Variants in SPATA6 observed in about 807,000 individuals in gnomAD.
The protein encoded by SPATA6 is spermatogenesis associated 6, also known as spermatogenesis-associated protein 6.
Under a neutral mutation model 65.3 loss-of-function variants are expected in SPATA6, and 56 were observed. The observed-to-expected ratio is 0.86, with a 90% CI of 0.69 to 1.07. The LOEUF (loss-of-function observed/expected upper bound fraction) is 1.07, where lower values mean the gene tolerates loss of function less well. SPATA6 is among the 50% of genes least tolerant of loss of function. The probability of loss-of-function intolerance (pLI) is 0.00; values close to 1 mark genes in which losing one functional copy is unlikely to be tolerated. For missense variants in SPATA6, 590 were observed against 594.8 expected (o/e 0.99, Z 0.08); for synonymous variants, 199 against 213.2 (o/e 0.93, Z 0.58).
At chr1:48,436,513 A>G in intron 3 of SPATA6, 1 of 1,611,806 alleles carries the variant, frequency 6.2e-7, no homozygotes, top group African/African-American at 1.3e-5. Flanking sequence ...CTGTATTCAC[A>G]GGAGTATTAA....
the SPATA6 span, among the ~76,000 whole-genome samples, chr1:48,283,738 AG>A: frequency 2.0e-5 from 3 of 150,902 alleles, no homozygotes; most frequent in African/African-American, 7.3e-5. Flanking sequence ...CTTTTCTTTA[AG>A]AATGCTGAAT....
intron 3 of SPATA6, among the ~76,000 whole-genome samples, chr1:48,429,721 C>G (rs910401938): frequency 1.3e-5 from 2 of 151,410 alleles, no homozygotes; most frequent in African/African-American, 4.9e-5. Flanking sequence ...AAGAGATGCT[C>G]AAAAAGAAAA....
the SPATA6 span, among the ~76,000 whole-genome samples, chr1:48,275,036 C>T: frequency 1.3e-5 from 2 of 152,124 alleles, no homozygotes; most frequent in Non-Finnish European, 2.9e-5. Flanking sequence ...TTGTAGTTCT[C>T]CTTAAAGAGG....
chr1:48,313,867 C>CA (rs1346061209), intron 11 of SPATA6, among the ~76,000 whole-genome samples: 2 of 151,594 alleles, frequency 1.3e-5, no homozygotes, highest in Non-Finnish European at 2.9e-5. Context: ...AAATGGAAAA[C>CA]AAAAAAAGGC....
chr1:48,400,722 T>A (rs1405227215), intron 6 of SPATA6: 5 of 1,194,856 alleles, frequency 4.2e-6, no homozygotes, highest in African/African-American at 1.6e-5. Context: ...ATTTTCCTAA[T>A]TGGAAAAGTG....
At chr1:48,446,171 C>CT (rs141221064) in intron 3 of SPATA6, among the ~76,000 whole-genome samples, 10,075 of 152,202 alleles carry the variant, frequency 0.066, 417 homozygotes, top group Non-Finnish European at 0.093. Flanking sequence ...CAAAGAAACT[C>CT]TACATAAGCC....
chr1:48,335,985 CTT>C (rs1646048673), intron 11 of SPATA6, among the ~76,000 whole-genome samples: 1 of 152,038 alleles, frequency 6.6e-6, no homozygotes. Flanking sequence ...TGAACAGACA[CTT>C]TTGAAAAGAA....
intron 11 of SPATA6, among the ~76,000 whole-genome samples, chr1:48,315,162 A>G (rs1375687030): frequency 1.3e-5 from 2 of 152,200 alleles, no homozygotes; most frequent in Non-Finnish European, 1.5e-5. Context: ...AATCAACACA[A>G]AAAGAGGGAA....
At chr1:48,268,304 ATGTGTGTGTGTG>A in the SPATA6 span, among the ~76,000 whole-genome samples, 13 of 149,328 alleles carry the variant, frequency 8.7e-5, no homozygotes, top group Admixed American at 6.7e-4. Context: ...AAATAAAAAT[ATGTGTGTGTGTG>A]TGTGTGTGTG....
chr1:48,401,619 C>A (rs1651171721), intron 6 of SPATA6, among the ~76,000 whole-genome samples: 1 of 152,142 alleles, frequency 6.6e-6, no homozygotes, highest in African/African-American at 2.4e-5. Flanking sequence ...AGCTGGAATT[C>A]TTAGCCTGAT....
intron 9 of SPATA6, among the ~76,000 whole-genome samples, chr1:48,376,528 TAA>T (rs529011057): frequency 9.2e-5 from 13 of 140,884 alleles, no homozygotes; most frequent in African/African-American, 1.0e-4. Context: ...TCCTGGAATT[TAA>T]AAAAAAAAAA....
At chr1:48,282,908 C>A in the SPATA6 span, among the ~76,000 whole-genome samples, 1 of 151,996 alleles carries the variant, frequency 6.6e-6, no homozygotes, top group African/African-American at 2.4e-5. Context: ...GCACTATTCA[C>A]AATAGCAAAG....
At chr1:48,395,577 A>G (rs1321174157) in intron 7 of SPATA6, among the ~76,000 whole-genome samples, 1 of 151,912 alleles carries the variant, frequency 6.6e-6, no homozygotes, top group Non-Finnish European at 1.5e-5. Context: ...AATTCTATAT[A>G]TATGTGCCTA....
downstream of SPATA6, among the ~76,000 whole-genome samples, chr1:48,294,863 T>C (rs1029960132): frequency 2.0e-5 from 3 of 152,180 alleles, no homozygotes; most frequent in African/African-American, 7.2e-5. Context: ...TTGGAGGAGT[T>C]TCCTGATCAA....
intron 9 of SPATA6, among the ~76,000 whole-genome samples, chr1:48,369,550 G>A (rs1173768179): frequency 6.6e-5 from 10 of 152,208 alleles, no homozygotes; most frequent in South Asian, 2.1e-4. Flanking sequence ...AGCAATCAGC[G>A]AGACTCCGTG....
intron 3 of SPATA6, chr1:48,437,057 T>C: frequency 6.2e-7 from 1 of 1,601,078 alleles, no homozygotes; most frequent in Non-Finnish European, 8.6e-7. Context: ...AGCAGTTTAT[T>C]GTCCCATGTT....
At chr1:48,389,233 C>T (rs897935358) in intron 8 of SPATA6, among the ~76,000 whole-genome samples, 12 of 152,080 alleles carry the variant, frequency 7.9e-5, no homozygotes, top group African/African-American at 2.9e-4. Flanking sequence ...TTTGAAATAA[C>T]CCAGTCAGGC....
chr1:48,314,684 C>A (rs985881788), intron 11 of SPATA6, among the ~76,000 whole-genome samples: 1 of 152,084 alleles, frequency 6.6e-6, no homozygotes, highest in South Asian at 2.1e-4. Context: ...CAAGAAATAA[C>A]TAAGATCAGA....
downstream of SPATA6, among the ~76,000 whole-genome samples, chr1:48,292,959 A>T (rs1390947315): frequency 2.0e-5 from 3 of 152,174 alleles, no homozygotes; most frequent in Non-Finnish European, 2.9e-5. Context: ...GCTGGGGTCC[A>T]TGAAGGAGAA....
Sources: allele counts gnomAD v4.1 joint callset (sites outside exome capture counted in the v4.1 genomes callset), GRCh38; gene constraint gnomAD v4.1.1; transcripts MANE v1.5; gene names NCBI Gene and HGNC (gene_info 2026-07-23, HGNC 2026-07-21).